The following GABRB3 variants were observed in gnomAD, a reference collection of about 807,000 sequenced individuals.
The protein encoded by GABRB3 is gamma-aminobutyric acid receptor subunit beta-3.
In GABRB3, 14 loss-of-function variants were observed where a neutral mutation model predicts 52.1. The ratio of observed to expected loss-of-function variants is 0.27; its 90% CI spans 0.18 to 0.42. The LOEUF (loss-of-function observed/expected upper bound fraction) is 0.42. Ranked by LOEUF, GABRB3 falls within the 10% of genes least tolerant of loss-of-function variation. The pLI is 1.00. For missense variants in GABRB3, 307 were observed against 609.1 expected, an observed-to-expected ratio of 0.50 and a Z score of 5.22; for synonymous variants, 260 against 232.3, an observed-to-expected ratio of 1.12 and a Z score of -1.08.
At position 26,543,729 on chromosome 15, in the gene GABRB3, G is replaced by T. The variant is rs1027494478; in HGVS notation, c.*4064C>A. ...ATAAAATGAAATCAACATGAGAATT[G>T]ATTATGACAGCAATCGCCTATTCCT... On this transcript the variant is annotated 3_prime_UTR_variant, in exon 9 of 9. Coordinates refer to ENST00000311550, the MANE Select transcript of GABRB3 (RefSeq NM_000814.6). 2 of 152,706 alleles carry T rather than the reference G, an allele frequency of 1.3e-5. No individual in the cohort carries two copies. The highest frequency in any genetic ancestry group is 4.1e-4 in the South Asian group (2 of 4,826). 9.5% of individuals were successfully genotyped at this position (152,706 alleles called of 1,614,324 possible). A position where few individuals can be genotyped will look rare whatever the true frequency, so the allele number is the denominator to read the frequency against.
At chr15:26,606,451 T>C (rs897896776) in intron 4 of GABRB3, among the ~76,000 whole-genome samples, 2 of 151,908 alleles carry the variant, frequency 1.3e-5, no homozygotes, top group Non-Finnish European at 2.9e-5. Context: ...AATTAAAAAT[T>C]GAAAAAATTG....
chr15:26,593,066 T>C (rs764271216), intron 4 of GABRB3, among the ~76,000 whole-genome samples: 9 of 152,086 alleles, frequency 5.9e-5, no homozygotes, highest in Non-Finnish European at 1.2e-4. Flanking sequence ...GGGTCTTTCA[T>C]TCGAAATTCC....
intron 3 of GABRB3, among the ~76,000 whole-genome samples, chr15:26,717,062 C>T (rs1319961716): frequency 2.2e-5 from 3 of 133,464 alleles, no homozygotes; most frequent in African/African-American, 8.7e-5. Flanking sequence ...GACCTCCCTC[C>T]GATGACAGCC....
At chr15:26,550,465 G>A (rs1196028657) in intron 8 of GABRB3, among the ~76,000 whole-genome samples, 1 of 152,138 alleles carries the variant, frequency 6.6e-6, no homozygotes, top group African/African-American at 2.4e-5. Flanking sequence ...CAGTTAGAAT[G>A]GCTACTATCA....
chr15:26,616,724 A>G (rs1028634457), intron 4 of GABRB3, among the ~76,000 whole-genome samples: 9 of 152,132 alleles, frequency 5.9e-5, no homozygotes, highest in Non-Finnish European at 1.0e-4. Context: ...AAAGTTTACT[A>G]CTAAAGGCTT....
chr15:26,558,531 T>C (rs1254478567), intron 8 of GABRB3, among the ~76,000 whole-genome samples: 2 of 152,164 alleles, frequency 1.3e-5, no homozygotes, highest in Non-Finnish European at 2.9e-5. Context: ...AAATCTCATG[T>C]TGAACTGTAA....
chr15:26,773,448 C>G (rs1007144322), upstream of GABRB3, among the ~76,000 whole-genome samples: 91 of 151,488 alleles, frequency 6.0e-4, no homozygotes, highest in African/African-American at 2.1e-3. Context: ...CGGGGACTGT[C>G]GGCAGCCTCG....
intron 7 of GABRB3, among the ~76,000 whole-genome samples, chr15:26,563,906 T>C (rs1275455286): frequency 1.3e-5 from 2 of 152,200 alleles, no homozygotes; most frequent in African/African-American, 2.4e-5. Flanking sequence ...TTTATAAAAA[T>C]GAATATGAAA....
chr15:26,699,041 T>C (rs555366111), intron 3 of GABRB3, among the ~76,000 whole-genome samples: 1 of 152,134 alleles, frequency 6.6e-6, no homozygotes, highest in Non-Finnish European at 1.5e-5. Flanking sequence ...TGATTTTACA[T>C]TAAGTTAATG....
At chr15:26,733,706 C>T (rs1402197998) in intron 3 of GABRB3, among the ~76,000 whole-genome samples, 1 of 152,172 alleles carries the variant, frequency 6.6e-6, no homozygotes, top group Admixed American at 6.5e-5. Flanking sequence ...AGCACTCACA[C>T]TTCCTGATTT....
In GABRB3 at chr15:26,687,483, TTCTCTTCC is replaced by T. The variant is rs943156245; in HGVS notation, c.241-65957_241-65950del. On this transcript the variant is annotated intron_variant, in intron 3 of 8. Transcript: ENST00000311550. ...ACACATCTCGACATCATGCTTCTCTTTCTCTTCCTCTCTTCCTCCGCCTGCCTACCTCT... is the reference window on the plus strand; with the variant it reads ...ACACATCTCGACATCATGCTTCTCTTTCTCTTCCTCCGCCTGCCTACCTCT... 2.6e-5 allele frequency among the ~76,000 whole-genome samples: 4 copies of T among 152,084 alleles called. No individual in the cohort carries two copies. In the South Asian group the frequency reaches 6.2e-4, roughly 24 times the overall value.
chr15:26,708,537 T>A (rs548144610), intron 3 of GABRB3, among the ~76,000 whole-genome samples: 67 of 152,160 alleles, frequency 4.4e-4, no homozygotes, highest in African/African-American at 1.6e-3. Flanking sequence ...GGGCACTGCA[T>A]GAGGAGAGGA....
intron 3 of GABRB3, among the ~76,000 whole-genome samples, chr15:26,740,489 G>A (rs1002591318): frequency 3.3e-5 from 5 of 152,018 alleles, no homozygotes; most frequent in African/African-American, 1.2e-4. Flanking sequence ...AGAAATGGCT[G>A]AAGGAGCACC....
intron 4 of GABRB3, among the ~76,000 whole-genome samples, chr15:26,584,159 T>C (rs1194210232): frequency 1.3e-5 from 2 of 152,204 alleles, no homozygotes; most frequent in Non-Finnish European, 2.9e-5. Context: ...AGCACTTTGT[T>C]ATTAGCTATA....
At chr15:26,611,563 C>T (rs977320690) in intron 4 of GABRB3, among the ~76,000 whole-genome samples, 2 of 152,040 alleles carry the variant, frequency 1.3e-5, no homozygotes, top group African/African-American at 4.8e-5. Flanking sequence ...CAAATTATGG[C>T]CTATGCTAAA....
chr15:26,726,643 G>A (rs1889780015), intron 3 of GABRB3, among the ~76,000 whole-genome samples: 1 of 152,002 alleles, frequency 6.6e-6, no homozygotes, highest in Admixed American at 6.6e-5. Context: ...CATATTTTTG[G>A]CAAATATGTC....
At chr15:26,644,927 G>A (rs2140578602) in intron 3 of GABRB3, among the ~76,000 whole-genome samples, 1 of 152,288 alleles carries the variant, frequency 6.6e-6, no homozygotes, top group Admixed American at 6.5e-5. Context: ...GCTAAAAGGA[G>A]AAAATGAAAA....
At chr15:26,712,001 C>T (rs531460260) in intron 3 of GABRB3, among the ~76,000 whole-genome samples, 3 of 152,168 alleles carry the variant, frequency 2.0e-5, no homozygotes, top group South Asian at 4.2e-4. Context: ...ACGAGCAGAG[C>T]AGGCTGAGCA....
chr15:26,546,965 A>G lies in GABRB3; in HGVS notation c.*828T>C, dbSNP rs1330869911. ...GCACATTTTCAGTGATTGAAATGTCACTGGCCAAACGTGTCACTGTGTTCG... is the reference window on the plus strand; with the variant it reads ...GCACATTTTCAGTGATTGAAATGTCGCTGGCCAAACGTGTCACTGTGTTCG... On this transcript the variant is annotated 3_prime_UTR_variant, in exon 9 of 9. Coordinates refer to ENST00000311550, the MANE Select transcript of GABRB3 (RefSeq NM_000814.6). 6.6e-6 allele frequency: 1 copy of G among 151,870 alleles called. No individual in the cohort carries two copies. The highest frequency in any genetic ancestry group is 1.5e-5 in the Non-Finnish European group (1 of 68,002). The allele number at this position is 151,870 out of a possible 1,614,324, so 9.4% of individuals were successfully genotyped here. A position where few individuals can be genotyped will look rare whatever the true frequency, so the allele number is the denominator to read the frequency against.
Sources: allele counts gnomAD v4.1 joint callset (sites outside exome capture counted in the v4.1 genomes callset), GRCh38; gene constraint gnomAD v4.1.1; transcripts MANE v1.5; gene names NCBI Gene and HGNC (gene_info 2026-07-23, HGNC 2026-07-21).